H2AC4: variants seen among roughly 807,000 people sequenced by gnomAD.
The protein encoded by H2AC4 is histone H2A type 1-B/E.
A neutral mutation model predicts 6.1 loss-of-function variants in H2AC4; 8 were observed. That is an observed-to-expected ratio of 1.31 (90% CI 0.77 to 2.36). The LOEUF (loss-of-function observed/expected upper bound fraction) is 2.36. Ranked by LOEUF, H2AC4 falls within the 30% of genes most tolerant of loss-of-function variation. The pLI, the probability that H2AC4 is intolerant of heterozygous loss-of-function variation, is 0.00. For missense variants in H2AC4, 260 were observed against 180.4 expected (o/e 1.44, Z -2.53); for synonymous variants, 129 against 78.4 (o/e 1.64, Z -3.41).
rs1761497092 is a variant in H2AC4, at chr6:26,033,169, T to C, written c.*7A>G. ...AGAAAAACAGCAGTGCATGAAGCGTTAACTCTTCACTTTCCCTTGGCCTTA... is the reference window on the plus strand; with the variant it reads ...AGAAAAACAGCAGTGCATGAAGCGTCAACTCTTCACTTTCCCTTGGCCTTA... On this transcript the variant is annotated 3_prime_UTR_variant, in exon 1 of 1. Coordinates refer to ENST00000615868, the MANE Select transcript of H2AC4 (RefSeq NM_003513.3). 5 of 1,613,930 alleles carry C rather than the reference T, an allele frequency of 3.1e-6. No homozygotes were observed. Among genetic ancestry groups the C allele is most frequent in the Non-Finnish European group, 4.2e-6 (5 of 1,179,966 alleles).
Position 26,033,429 on chromosome 6 carries a change from C to CA in H2AC4, c.139_140insT (p.Gly47ValfsTer11). The CA allele has an allele frequency of 1.2e-6, 2 of 1,614,138 alleles. No homozygotes were observed. The highest frequency in any genetic ancestry group is 1.7e-6 in the Non-Finnish European group (2 of 1,180,006). The stretch of plus-strand genomic sequence containing the variant: ...CACCGCCGCGAGATACACCGGCGCG[C>CA]CAGCCCCGACGCGCTCGGAGTAGTT... On this transcript the variant is annotated frameshift_variant, in exon 1 of 1. Transcript: ENST00000615868. LOFTEE classifies it high-confidence loss of function.
In H2AC4 at chr6:26,033,551, T is replaced by C. The variant is rs1360256178; in HGVS notation, c.18A>G (p.Lys6=). 1 of 1,607,512 alleles carries C rather than the reference T, an allele frequency of 6.2e-7. No homozygotes were observed. The highest frequency in any genetic ancestry group is 8.5e-7 in the Non-Finnish European group (1 of 1,178,832). The part of the protein sequence containing the change: MSGRG[K]QGGKARAKAK... Reference sequence around the variant, plus strand: ...CCTTGGCGCGAGCTTTACCGCCTTGTTTGCCGCGACCAGACATAACTACTT... The same window carrying C: ...CCTTGGCGCGAGCTTTACCGCCTTGCTTGCCGCGACCAGACATAACTACTT... Residue 6 remains lysine (K), a synonymous_variant, in exon 1 of 1, where the codon AAA becomes AAG. Transcript: ENST00000615868.
chr6:26,033,564 G>A lies in H2AC4; in HGVS notation c.5C>T (p.Ser2Phe), dbSNP rs138639960. The change falls in exon 1 of 1, where the codon TCT (serine) becomes TTT (phenylalanine). Residue 2 changes from serine to phenylalanine, a missense_variant. By Grantham distance (155) the Ser-to-Phe change is radical. Transcript: ENST00000615868. ...TTTACCGCCTTGTTTGCCGCGACCA[G>A]ACATAACTACTTCTGATAAGGGAAA... Reference protein sequence around the residue: MSGRGKQGGKAR... With the variant: MFGRGKQGGKAR... The A allele has an allele frequency of 3.6e-5, 56 of 1,561,310 alleles. No individual in the cohort carries two copies. The African/African-American group carries it at 4.5e-4, about 13-fold the overall frequency.
rs771062588 is a variant in H2AC4, at chr6:26,033,577, C to G, written c.-9G>C. On this transcript the variant is annotated 5_prime_UTR_variant, in exon 1 of 1. Coordinates refer to ENST00000615868, the MANE Select transcript of H2AC4 (RefSeq NM_003513.3). ...TTGCCGCGACCAGACATAACTACTT[C>G]TGATAAGGGAAAATCGCCACAAGAA... 9.2e-6 allele frequency: 14 copies of G among 1,516,394 alleles called. No homozygotes were observed. The highest frequency in any genetic ancestry group is 1.2e-5 in the Non-Finnish European group (14 of 1,144,896). 93.9% of individuals were successfully genotyped at this position (1,516,394 alleles called of 1,614,324 possible).
At position 26,033,561 on chromosome 6, in the gene H2AC4, C is replaced by T. The variant is rs201893613; in HGVS notation, c.8G>A (p.Gly3Asp). 5 of 1,583,962 alleles carry T rather than the reference C, an allele frequency of 3.2e-6. No homozygotes were observed. The South Asian group carries it at 3.3e-5, about 11-fold the overall frequency. Residue 3 changes from glycine to aspartate, a missense_variant, in exon 1 of 1, where the codon GGT (glycine) becomes GAT (aspartate). Gly to Asp is a moderately conservative substitution (Grantham distance 94). Coordinates refer to ENST00000615868, the MANE Select transcript of H2AC4 (RefSeq NM_003513.3). ...AGCTTTACCGCCTTGTTTGCCGCGACCAGACATAACTACTTCTGATAAGGG... is the reference window on the plus strand; with the variant it reads ...AGCTTTACCGCCTTGTTTGCCGCGATCAGACATAACTACTTCTGATAAGGG... MS[G>D]RGKQGGKARA...
Position 26,033,593 on chromosome 6 carries a change from G to T in H2AC4, c.-25C>A, listed in dbSNP as rs202164203. The T allele has an allele frequency of 6.9e-5, 110 of 1,605,030 alleles. No individual in the cohort carries two copies. Among genetic ancestry groups the T allele is most frequent in the Non-Finnish European group, 9.1e-5 (107 of 1,176,774 alleles). ...TAACTACTTCTGATAAGGGAAAATC[G>T]CCACAAGAAAATGTAATGAAACTAC... On this transcript the variant is annotated 5_prime_UTR_variant, in exon 1 of 1. Transcript: ENST00000615868.
rs199590202 is a variant in H2AC4, at chr6:26,033,386, G to C, written c.183C>G (p.Ala61=). 2.5e-6 allele frequency: 4 copies of C among 1,614,014 alleles called. No homozygotes were observed. The highest frequency in any genetic ancestry group is 1.7e-4 in the Middle Eastern group (1 of 6,026). The change falls in exon 1 of 1, where the codon GCC becomes GCG. Residue 61 remains alanine (A), a synonymous_variant. Coordinates refer to ENST00000615868, the MANE Select transcript of H2AC4 (RefSeq NM_003513.3). ...YLAAVLEYLT[A]EILELAGNAA... is the part of the protein sequence containing the mutation. The stretch of plus-strand genomic sequence containing the variant: ...CATTGCCCGCCAGCTCCAGGATCTC[G>C]GCGGTCAGGTACTCAAGCACCGCCG...
In H2AC4 at chr6:26,033,492, A is replaced by T. The variant is rs145310776; in HGVS notation, c.77T>A (p.Phe26Tyr). 169 of 1,614,182 alleles carry T rather than the reference A, an allele frequency of 1.0e-4. No homozygotes were observed. Among genetic ancestry groups the T allele is most frequent in the Admixed American group, 4.2e-4 (25 of 60,028 alleles). ...CAGGCGGTGCACTCGGCCCACAGGA[A>T]ACTGCAAACCTGCACGAGAAGACCG... ...KTRSSRAGLQFPVGRVHRLLR... is the reference protein window; with the variant it reads ...KTRSSRAGLQYPVGRVHRLLR... The change falls in exon 1 of 1, where the codon TTT becomes TAT. Residue 26 changes from phenylalanine to tyrosine, a missense_variant. Phe to Tyr is a conservative substitution (Grantham distance 22, BLOSUM62 3). Transcript: ENST00000615868.
rs775276035 is a variant in H2AC4 at position 26,033,264 on chromosome 6, G to A, written c.305C>T (p.Thr102Ile). The change falls in exon 1 of 1, where the codon ACC (threonine) becomes ATC (isoleucine). Residue 102 changes from threonine (T) to isoleucine (I), a missense_variant. Transcript: ENST00000615868. ...AGGCAAAACGCCACCCTGCGCGATG[G>A]TCACACGCCCCAAGAGTTTATTAAG... The part of the protein sequence containing the change: ...EELNKLLGRV[T>I]IAQGGVLPNI... 3 of 1,614,126 alleles carry A rather than the reference G, an allele frequency of 1.9e-6. No individual in the cohort carries two copies. Among genetic ancestry groups the A allele is most frequent in the East Asian group, 2.2e-5 (1 of 44,866 alleles).
At position 26,033,391 on chromosome 6, in the gene H2AC4, T is replaced by C. The variant is rs1373956405; in HGVS notation, c.178A>G (p.Thr60Ala). The change falls in exon 1 of 1, where the codon ACC (threonine) becomes GCC (alanine). Residue 60 changes from threonine to alanine, a missense_variant. By Grantham distance (58) the Thr-to-Ala change is moderately conservative. Coordinates refer to ENST00000615868, the MANE Select transcript of H2AC4 (RefSeq NM_003513.3). ...CCCGCCAGCTCCAGGATCTCGGCGG[T>C]CAGGTACTCAAGCACCGCCGCGAGA... ...VYLAAVLEYL[T>A]AEILELAGNA... is the part of the protein sequence containing the mutation. The C allele has an allele frequency of 3.7e-6, 6 of 1,613,734 alleles. No individual in the cohort carries two copies. Among genetic ancestry groups the C allele is most frequent in the Non-Finnish European group, 5.1e-6 (6 of 1,179,934 alleles).
chr6:26,033,435 C>A lies in H2AC4; in HGVS notation c.134G>T (p.Gly45Val). 1 of 1,614,174 alleles carries A rather than the reference C, an allele frequency of 6.2e-7. No homozygotes were observed. Among genetic ancestry groups the A allele is most frequent in the Middle Eastern group, 1.6e-4 (1 of 6,062 alleles). Residue 45 changes from glycine to valine, a missense_variant, in exon 1 of 1, where the codon GGG (glycine) becomes GTG (valine). Gly to Val is a moderately radical substitution (Grantham distance 109). Transcript: ENST00000615868. ...LRKGNYSERV[G>V]AGAPVYLAAV... ...CGCGAGATACACCGGCGCGCCAGCCCCGACGCGCTCGGAGTAGTTGCCTTT... is the reference window on the plus strand; with the variant it reads ...CGCGAGATACACCGGCGCGCCAGCCACGACGCGCTCGGAGTAGTTGCCTTT...
chr6:26,033,363 T>C lies in H2AC4; in HGVS notation c.206A>G (p.Asn69Ser), dbSNP rs1401774507. 33 of 1,613,770 alleles carry C rather than the reference T, an allele frequency of 2.0e-5. No homozygotes were observed. The highest frequency in any genetic ancestry group is 9.9e-5 in the South Asian group (9 of 91,062). ...GGTCTTCTTGTTGTCGCGGGCCGCA[T>C]TGCCCGCCAGCTCCAGGATCTCGGC... Reference protein sequence around the residue: ...LTAEILELAGNAARDNKKTRI... With the variant: ...LTAEILELAGSAARDNKKTRI... The change falls in exon 1 of 1, where the codon AAT becomes AGT. Residue 69 changes from asparagine (N) to serine (S), a missense_variant. Transcript: ENST00000615868.
rs541382692 is a variant in H2AC4 at position 26,033,463 on chromosome 6, G to C, written c.106C>G (p.Arg36Gly). The C allele has an allele frequency of 6.2e-7, 1 of 1,614,068 alleles. No individual in the cohort carries two copies. Among genetic ancestry groups the C allele is most frequent in the South Asian group, 1.1e-5 (1 of 91,090 alleles). Reference protein sequence around the residue: ...FPVGRVHRLLRKGNYSERVGA... With the variant: ...FPVGRVHRLLGKGNYSERVGA... ...ACGCGCTCGGAGTAGTTGCCTTTGC[G>C]GAGCAGGCGGTGCACTCGGCCCACA... The change falls in exon 1 of 1, where the codon CGC becomes GGC. Residue 36 changes from arginine (R) to glycine (G), a missense_variant. Arg to Gly is a moderately radical substitution (Grantham distance 125). Transcript: ENST00000615868.
chr6:26,033,160 A>T lies in H2AC4; in HGVS notation c.*16T>A, dbSNP rs1340455793. ...TCTGCTGACAGAAAAACAGCAGTGC[A>T]TGAAGCGTTAACTCTTCACTTTCCC... On this transcript the variant is annotated 3_prime_UTR_variant, in exon 1 of 1. Coordinates refer to ENST00000615868, the MANE Select transcript of H2AC4 (RefSeq NM_003513.3). The T allele has an allele frequency of 1.2e-6, 2 of 1,613,316 alleles. No homozygotes were observed. Among genetic ancestry groups the T allele is most frequent in the Non-Finnish European group, 1.7e-6 (2 of 1,179,840 alleles).
chr6:26,033,122 T>G lies in H2AC4; in HGVS notation c.*54A>C. 1 of 1,598,640 alleles carries G rather than the reference T, an allele frequency of 6.3e-7. No homozygotes were observed. Among genetic ancestry groups the G allele is most frequent in the Non-Finnish European group, 8.5e-7 (1 of 1,174,166 alleles). On this transcript the variant is annotated 3_prime_UTR_variant, in exon 1 of 1. Coordinates refer to ENST00000615868, the MANE Select transcript of H2AC4 (RefSeq NM_003513.3). ...TGGCTCTGAAAAGAGCCTTTGCTGT[T>G]AGGCTGATTTTGTCTGCTGACAGAA...
In H2AC4 at chr6:26,033,411, G is replaced by T; in HGVS notation, c.158C>A (p.Ala53Glu). ...GGCGGTCAGGTACTCAAGCACCGCC[G>T]CGAGATACACCGGCGCGCCAGCCCC... Reference protein sequence around the residue: ...RVGAGAPVYLAAVLEYLTAEI... With the variant: ...RVGAGAPVYLEAVLEYLTAEI... The change falls in exon 1 of 1, where the codon GCG becomes GAG. Residue 53 changes from alanine to glutamate, a missense_variant. By Grantham distance (107) the Ala-to-Glu change is moderately radical. Transcript: ENST00000615868. 1 of 1,614,022 alleles carries T rather than the reference G, an allele frequency of 6.2e-7. No individual in the cohort carries two copies. Among genetic ancestry groups the T allele is most frequent in the Non-Finnish European group, 8.5e-7 (1 of 1,179,922 alleles).
Position 26,033,473 on chromosome 6 carries a change from G to A in H2AC4, c.96C>T (p.His32=), listed in dbSNP as rs140279407. 5.4e-4 allele frequency: 877 copies of A among 1,614,194 alleles called. No individual in the cohort carries two copies. The highest frequency in any genetic ancestry group is 5.9e-4 in the Non-Finnish European group (697 of 1,180,030). Residue 32 remains histidine (H), a synonymous_variant, in exon 1 of 1, where the codon CAC becomes CAT. Transcript: ENST00000615868. The part of the protein sequence containing the change: ...AGLQFPVGRV[H]RLLRKGNYSE... ...AGTAGTTGCCTTTGCGGAGCAGGCGGTGCACTCGGCCCACAGGAAACTGCA... is the reference window on the plus strand; with the variant it reads ...AGTAGTTGCCTTTGCGGAGCAGGCGATGCACTCGGCCCACAGGAAACTGCA...
chr6:26,033,455 G>A lies in H2AC4; in HGVS notation c.114C>T (p.Gly38=), dbSNP rs994396860. Residue 38 remains glycine (G), a synonymous_variant, in exon 1 of 1, where the codon GGC becomes GGT. Coordinates refer to ENST00000615868, the MANE Select transcript of H2AC4 (RefSeq NM_003513.3). ...CAGCCCCGACGCGCTCGGAGTAGTT[G>A]CCTTTGCGGAGCAGGCGGTGCACTC... The part of the protein sequence containing the change: ...VGRVHRLLRK[G]NYSERVGAGA... 3.1e-6 allele frequency: 5 copies of A among 1,614,212 alleles called. No homozygotes were observed. The highest frequency in any genetic ancestry group is 1.3e-5 in the African/African-American group (1 of 75,056).
In H2AC4 at chr6:26,033,546, C is replaced by T; in HGVS notation, c.23G>A (p.Gly8Asp). The T allele has an allele frequency of 6.2e-7, 1 of 1,610,716 alleles. No individual in the cohort carries two copies. Among genetic ancestry groups the T allele is most frequent in the Non-Finnish European group, 8.5e-7 (1 of 1,179,468 alleles). Residue 8 changes from glycine to aspartate, a missense_variant, in exon 1 of 1, where the codon GGC (glycine) becomes GAC (aspartate). Gly to Asp is a moderately conservative substitution (Grantham distance 94). Coordinates refer to ENST00000615868, the MANE Select transcript of H2AC4 (RefSeq NM_003513.3). ...CTTAGCCTTGGCGCGAGCTTTACCG[C>T]CTTGTTTGCCGCGACCAGACATAAC... Reference protein sequence around the residue: MSGRGKQGGKARAKAKTR... With the variant: MSGRGKQDGKARAKAKTR...
Sources: gnomAD v4.1 joint callset for allele counts on GRCh38, gnomAD v4.1.1 for gene constraint, MANE v1.5 for transcripts, NCBI Gene and HGNC (gene_info 2026-07-23, HGNC 2026-07-21) for gene names.